The following NCAM2 variants were observed in gnomAD, a reference collection of about 807,000 sequenced individuals.
NCAM2 encodes the protein neural cell adhesion molecule 2, also known as N-CAM-2.
In NCAM2, 30 loss-of-function variants were observed where a neutral mutation model predicts 98.1. The ratio of observed to expected loss-of-function variants is 0.31; its 90% confidence interval spans 0.23 to 0.41. The LOEUF is 0.41. Among genes scored for constraint, NCAM2 ranks in the 10% least tolerant of loss-of-function variants. The pLI, the probability that NCAM2 is intolerant of heterozygous loss-of-function variation, is 1.00. For missense variants in NCAM2, 867 were observed against 1,005.8 expected, an observed-to-expected ratio of 0.86 and a Z score of 1.87; for synonymous variants, 368 against 342.4, an observed-to-expected ratio of 1.07 and a Z score of -0.83.
At chr21:21,339,044 G>A (rs887543264) in intron 8 of NCAM2, among the ~76,000 whole-genome samples, 1 of 152,152 alleles carries the variant, frequency 6.6e-6, no homozygotes, top group Non-Finnish European at 1.5e-5. Flanking sequence ...GTTGGGATTG[G>A]CGAAGAAGAT....
At chr21:21,020,926 C>G (rs544434300) in intron 1 of NCAM2, among the ~76,000 whole-genome samples, 85 of 152,048 alleles carry the variant, frequency 5.6e-4, no homozygotes, top group Non-Finnish European at 1.0e-3. Context: ...ATGCTTGTTG[C>G]AAAGACAAAG....
chr21:21,512,405 G>A (rs1166382436), intron 16 of NCAM2, among the ~76,000 whole-genome samples: 1 of 151,892 alleles, frequency 6.6e-6, no homozygotes, highest in African/African-American at 2.4e-5. Flanking sequence ...GTAAATGCAT[G>A]GGTTTATGTC....
chr21:21,219,006 G>A (rs1395743877), intron 1 of NCAM2, among the ~76,000 whole-genome samples: 4 of 152,346 alleles, frequency 2.6e-5, no homozygotes, highest in Non-Finnish European at 5.9e-5. Context: ...TCGTGCCATT[G>A]CACTCCAGCC....
At chr21:21,468,110 T>G (rs1308614410) in intron 13 of NCAM2, among the ~76,000 whole-genome samples, 1 of 151,896 alleles carries the variant, frequency 6.6e-6, no homozygotes, top group African/African-American at 2.4e-5. Context: ...TGAATGAACC[T>G]AGAAGAAAAT....
intron 16 of NCAM2, among the ~76,000 whole-genome samples, chr21:21,520,997 G>T (rs928658036): frequency 1.3e-5 from 2 of 152,078 alleles, no homozygotes; most frequent in African/African-American, 2.4e-5. Context: ...ATAGAAGGGG[G>T]AAGTAACTAC....
At chr21:21,181,284 T>G (rs1249910540) in intron 1 of NCAM2, among the ~76,000 whole-genome samples, 4 of 152,156 alleles carry the variant, frequency 2.6e-5, no homozygotes, top group African/African-American at 9.7e-5. Context: ...ATATATTTAA[T>G]AGTTTCCTCT....
chr21:21,288,782 A>G (rs1162635021), intron 4 of NCAM2, among the ~76,000 whole-genome samples: 2 of 151,924 alleles, frequency 1.3e-5, no homozygotes, highest in Admixed American at 6.6e-5. Flanking sequence ...ACCCAGATAT[A>G]TTTATTTTGC....
intron 1 of NCAM2, among the ~76,000 whole-genome samples, chr21:21,216,635 A>G (rs761040118): frequency 2.1e-4 from 32 of 152,322 alleles, no homozygotes; most frequent in Non-Finnish European, 3.7e-4. Context: ...CCAGGGGCTG[A>G]ACCATGCATG....
At chr21:21,309,635 C>A (rs2073983323) in intron 5 of NCAM2, among the ~76,000 whole-genome samples, 1 of 152,164 alleles carries the variant, frequency 6.6e-6, no homozygotes, top group Admixed American at 6.5e-5. Context: ...TTAATCACTG[C>A]AAATCTCAGG....
intron 15 of NCAM2, among the ~76,000 whole-genome samples, chr21:21,487,076 G>T (rs1275014966): frequency 6.6e-6 from 1 of 151,934 alleles, no homozygotes; most frequent in Non-Finnish European, 1.5e-5. Context: ...ATTTCTCTAA[G>T]AAATTAAAAA....
In NCAM2 at chr21:21,508,829, TTTTTTTTTTTTAC is replaced by T; in HGVS notation, c.2078-16_2078-4del. ...TTTCCTTTTTTTTTTTTTTTTTTTT[TTTTTTTTTTTTAC>T]TTTTTAAGACACGCTGTTTAATGGT... On this transcript the variant is annotated splice_polypyrimidine_tract_variant and intron_variant, in intron 15 of 17. Coordinates refer to ENST00000400546, the MANE Select transcript of NCAM2 (RefSeq NM_004540.5). 2 of 1,061,268 alleles carry T rather than the reference TTTTTTTTTTTTAC, an allele frequency of 1.9e-6. No individual in the cohort carries two copies. Among genetic ancestry groups the T allele is most frequent in the South Asian group, 3.3e-5 (1 of 30,346 alleles). 65.7% of individuals were successfully genotyped at this position (1,061,268 alleles called of 1,614,324 possible).
chr21:21,262,308 A>C (rs1053416433), intron 1 of NCAM2, among the ~76,000 whole-genome samples: 1 of 152,142 alleles, frequency 6.6e-6, no homozygotes. Context: ...ATCTTATTGA[A>C]TATGTTTCTA....
chr21:21,017,336 G>T (rs2146168491), intron 1 of NCAM2, among the ~76,000 whole-genome samples: 1 of 132,076 alleles, frequency 7.6e-6, no homozygotes, highest in Non-Finnish European at 1.5e-5. Flanking sequence ...TGAGGCAGGA[G>T]AATCACTTGA....
At chr21:21,340,003 G>C (rs140042053) in intron 8 of NCAM2, among the ~76,000 whole-genome samples, 1 of 151,812 alleles carries the variant, frequency 6.6e-6, no homozygotes, top group African/African-American at 2.4e-5. Context: ...GTTATAGTTT[G>C]CTTTAGTATA....
intron 1 of NCAM2, among the ~76,000 whole-genome samples, chr21:21,216,295 C>T (rs183017241): frequency 8.6e-4 from 131 of 152,194 alleles, no homozygotes; most frequent in African/African-American, 2.2e-3. Flanking sequence ...AGTGAGTAAA[C>T]GGAGTATGTG....
At chr21:21,479,483 T>C (rs981917930) in intron 15 of NCAM2, among the ~76,000 whole-genome samples, 8 of 148,284 alleles carry the variant, frequency 5.4e-5, no homozygotes, top group Non-Finnish European at 8.9e-5. Flanking sequence ...ACTCTAGAGG[T>C]TGAGACAGGA....
At chr21:21,229,329 G>A (rs887568437) in intron 1 of NCAM2, among the ~76,000 whole-genome samples, 1 of 151,470 alleles carries the variant, frequency 6.6e-6, no homozygotes, top group Non-Finnish European at 1.5e-5. Context: ...ATTTCATAGT[G>A]TTGACTTTGT....
At chr21:21,332,117 C>T (rs2074728146) in intron 6 of NCAM2, among the ~76,000 whole-genome samples, 1 of 151,780 alleles carries the variant, frequency 6.6e-6, no homozygotes, top group Admixed American at 6.6e-5. Context: ...ATTGGCCAGG[C>T]TGATCTGTAA....
At chr21:21,473,735 A>G (rs530533127) in intron 14 of NCAM2, among the ~76,000 whole-genome samples, 1 of 152,118 alleles carries the variant, frequency 6.6e-6, no homozygotes, top group African/African-American at 2.4e-5. Flanking sequence ...TATGAATAAA[A>G]GTATCAAGCA....
Sources: gnomAD v4.1 joint callset for allele counts (sites outside exome capture counted in the v4.1 genomes callset) on GRCh38, gnomAD v4.1.1 for gene constraint, MANE v1.5 for transcripts, NCBI Gene and HGNC (gene_info 2026-07-23, HGNC 2026-07-21) for gene names.